Variants in GALNT13 observed in about 807,000 individuals in gnomAD.
The protein encoded by GALNT13 is polypeptide N-acetylgalactosaminyltransferase 13, also known as UDP-GalNAc:polypeptide N-acetylgalactosaminyltransferase 13.
A neutral mutation model predicts 64.2 loss-of-function variants in GALNT13; 28 were observed. The observed-to-expected ratio is 0.44, with a 90% confidence interval of 0.32 to 0.60. The LOEUF (loss-of-function observed/expected upper bound fraction) is 0.60, where lower values mean the gene tolerates loss of function less well. Ranked by LOEUF, GALNT13 falls within the 20% of genes least tolerant of loss-of-function variation. The probability of loss-of-function intolerance (pLI) is 0.05; values close to 1 mark genes in which losing one functional copy is unlikely to be tolerated. For synonymous variants in GALNT13, 214 were observed against 224.6 expected, an observed-to-expected ratio of 0.95 and a Z score of 0.42; for missense variants, 577 against 669.8, an observed-to-expected ratio of 0.86 and a Z score of 1.53.
chr2:153,742,055 T>C, the GALNT13 span, among the ~76,000 whole-genome samples: 2 of 152,130 alleles, frequency 1.3e-5, no homozygotes, highest in African/African-American at 4.8e-5. Flanking sequence ...CACCATACTG[T>C]GCAATGGATT....
chr2:154,016,566 C>T (rs561269603), intron 3 of GALNT13, among the ~76,000 whole-genome samples: 1 of 152,004 alleles, frequency 6.6e-6, no homozygotes, highest in Non-Finnish European at 1.5e-5. Context: ...TACAGTCATG[C>T]GCCACCATGC....
At chr2:154,235,954 A>G (rs768343786) in intron 4 of GALNT13, 59 of 525,714 alleles carry the variant, frequency 1.1e-4, no homozygotes, top group Non-Finnish European at 1.8e-4. Flanking sequence ...CTGTATTGCT[A>G]TGTTACAGAC....
the GALNT13 span, among the ~76,000 whole-genome samples, chr2:153,240,075 C>A: frequency 6.6e-6 from 1 of 152,128 alleles, no homozygotes; most frequent in South Asian, 2.1e-4. Flanking sequence ...ACCATTTATC[C>A]ATTTCTTCTA....
chr2:153,579,460 G>A, the GALNT13 span, among the ~76,000 whole-genome samples: 40 of 152,186 alleles, frequency 2.6e-4, 1 homozygote, highest in South Asian at 8.1e-3. Context: ...GGAAAATGCT[G>A]TTGTTCTGAT....
chr2:154,334,410 T>C (rs559115373), intron 9 of GALNT13, among the ~76,000 whole-genome samples: 1 of 152,106 alleles, frequency 6.6e-6, no homozygotes, highest in South Asian at 2.1e-4. Flanking sequence ...GCCTTTAAAC[T>C]AAACTGGAAC....
At chr2:153,966,584 G>A (rs1361133513) in intron 3 of GALNT13, among the ~76,000 whole-genome samples, 1 of 151,914 alleles carries the variant, frequency 6.6e-6, no homozygotes, top group Admixed American at 6.6e-5. Flanking sequence ...TACCCAGGAT[G>A]GTCTCGATCT....
chr2:154,248,245 A>C (rs530322746), intron 7 of GALNT13, among the ~76,000 whole-genome samples: 21 of 152,128 alleles, frequency 1.4e-4, no homozygotes, highest in Non-Finnish European at 2.9e-4. Context: ...TAAATCAGTT[A>C]TACTACATCT....
chr2:153,872,763 C>T (rs1456733420), intron 1 of GALNT13, among the ~76,000 whole-genome samples: 1 of 152,076 alleles, frequency 6.6e-6, no homozygotes, highest in Non-Finnish European at 1.5e-5. Context: ...TCTACTCGAC[C>T]CGACACCAGG....
intron 9 of GALNT13, among the ~76,000 whole-genome samples, chr2:154,303,248 C>T (rs529028960): frequency 4.6e-5 from 7 of 152,036 alleles, no homozygotes; most frequent in East Asian, 1.9e-4. Context: ...CCACCAGAGT[C>T]GGATGCGCGC....
chr2:154,043,627 G>T (rs1043465722), intron 3 of GALNT13, among the ~76,000 whole-genome samples: 6 of 151,562 alleles, frequency 4.0e-5, no homozygotes, highest in Non-Finnish European at 7.4e-5. Context: ...GTAGAGAATA[G>T]GTCACATTAA....
the GALNT13 span, among the ~76,000 whole-genome samples, chr2:153,384,600 G>A: frequency 1.3e-5 from 2 of 151,894 alleles, no homozygotes; most frequent in African/African-American, 4.8e-5. Flanking sequence ...ATTTTTAAAG[G>A]CAAGATGGAA....
chr2:153,727,104 A>G, the GALNT13 span, among the ~76,000 whole-genome samples: 4 of 152,182 alleles, frequency 2.6e-5, no homozygotes, highest in South Asian at 4.1e-4. Flanking sequence ...ATTAATTACT[A>G]TATAATTTTC....
At chr2:154,291,731 C>G (rs954497515) in intron 8 of GALNT13, among the ~76,000 whole-genome samples, 2 of 152,266 alleles carry the variant, frequency 1.3e-5, no homozygotes, top group African/African-American at 4.8e-5. Flanking sequence ...TTGGCCAGCC[C>G]CAGAGAGGGG....
chr2:154,312,031 A>G (rs924724704), intron 9 of GALNT13, among the ~76,000 whole-genome samples: 7 of 152,138 alleles, frequency 4.6e-5, no homozygotes, highest in Admixed American at 6.6e-5. Context: ...AGTTAACGCA[A>G]TTATTACAGG....
At chr2:154,034,121 A>G (rs1698512445) in intron 3 of GALNT13, among the ~76,000 whole-genome samples, 1 of 152,178 alleles carries the variant, frequency 6.6e-6, no homozygotes, top group Non-Finnish European at 1.5e-5. Context: ...ACTACAAGGT[A>G]TATACTCAAG....
the GALNT13 span, among the ~76,000 whole-genome samples, chr2:153,147,399 C>T: frequency 6.6e-6 from 1 of 151,770 alleles, no homozygotes; most frequent in African/African-American, 2.4e-5. Context: ...GTTAAGGATT[C>T]CTGCTTTACC....
chr2:153,682,742 A>C, the GALNT13 span, among the ~76,000 whole-genome samples: 25 of 151,890 alleles, frequency 1.6e-4, no homozygotes, highest in African/African-American at 5.8e-4. Context: ...GATAATATGA[A>C]ATCTATTTGG....
At chr2:154,432,652 A>C (rs1211332436) in intron 11 of GALNT13, among the ~76,000 whole-genome samples, 1 of 152,156 alleles carries the variant, frequency 6.6e-6, no homozygotes, top group Non-Finnish European at 1.5e-5. Context: ...GTGTTTGCCA[A>C]CAATCCTTGG....
chr2:153,358,603 T>C, the GALNT13 span, among the ~76,000 whole-genome samples: 1 of 152,206 alleles, frequency 6.6e-6, no homozygotes, highest in South Asian at 2.1e-4. Flanking sequence ...AGGTAGGTCC[T>C]AGTGGTTTGA....
Sources: gnomAD v4.1 joint callset for allele counts (sites outside exome capture counted in the v4.1 genomes callset) on GRCh38, gnomAD v4.1.1 for gene constraint, MANE v1.5 for transcripts, NCBI Gene and HGNC (gene_info 2026-07-23, HGNC 2026-07-21) for gene names.